Variants in TBCE observed in about 807,000 individuals in gnomAD.
The protein encoded by TBCE is tubulin folding cofactor E.
A neutral mutation model predicts 77.0 loss-of-function variants in TBCE; 53 were observed. The ratio of observed to expected loss-of-function variants is 0.69; its 90% CI spans 0.55 to 0.87. The LOEUF is 0.87. Among genes scored for constraint, TBCE ranks in the 40% least tolerant of loss-of-function variants. The pLI, the probability that TBCE is intolerant of heterozygous loss-of-function variation, is 0.00. For synonymous variants in TBCE, 235 were observed against 241.3 expected, an observed-to-expected ratio of 0.97 and a Z score of 0.24; for missense variants, 624 against 622.4, an observed-to-expected ratio of 1.00 and a Z score of -0.03.
chr1:235,425,351 AGAC>A (rs1279977157), intron 5 of TBCE, among the ~76,000 whole-genome samples: 1 of 152,130 alleles, frequency 6.6e-6, no homozygotes, highest in Non-Finnish European at 1.5e-5. Context: ...TTCCAGAGTC[AGAC>A]GCCCCCTCTG....
At position 235,435,826 on chromosome 1, in the gene TBCE, A is replaced by G; in HGVS notation, c.819A>G (p.Ile273Met). 6.2e-7 allele frequency: 1 copy of G among 1,614,180 alleles called. No homozygotes were observed. Among genetic ancestry groups the G allele is most frequent in the Non-Finnish European group, 8.5e-7 (1 of 1,179,984 alleles). The change falls in exon 9 of 17, where the codon ATA (isoleucine) becomes ATG (methionine). Residue 273 changes from isoleucine (I) to methionine (M), a missense_variant. Transcript: ENST00000642610. ...QLIDENQLYL[I>M]AHLPRLEQLI... is the part of the protein sequence containing the mutation. ...TTGATGAAAATCAGCTGTATCTGAT[A>G]GCCCACCTGCCCAGGTAATTTGCCC...
rs1681899088 is a variant in TBCE, at chr1:235,441,851, G to A, written c.1308G>A (p.Gln436=). 6 of 1,613,906 alleles carry A rather than the reference G, an allele frequency of 3.7e-6. No homozygotes were observed. Among genetic ancestry groups the A allele is most frequent in the African/African-American group, 1.3e-5 (1 of 74,898 alleles). Residue 436 remains glutamine (Q), a synonymous_variant, in exon 14 of 17, where the codon CAG becomes CAA. Transcript: ENST00000642610. ...CTGAAGATTGGGAACTCAAAACACA[G>A]CAACCACTTATGCTGAAAAACCAGC... The part of the protein sequence containing the change: ...GAPEDWELKT[Q]QPLMLKNQLL...
chr1:235,409,998 C>G (rs1255495369), intron 3 of TBCE, among the ~76,000 whole-genome samples: 1 of 147,760 alleles, frequency 6.8e-6, no homozygotes, highest in African/African-American at 2.5e-5. Context: ...CCACTGCACT[C>G]CAGCCTGCGT....
Position 235,377,334 on chromosome 1 carries a change from A to G in TBCE, c.-31-2685A>G, listed in dbSNP as rs115551609. The stretch of plus-strand genomic sequence containing the variant: ...AGCTGGGACTACAGGCGCGCACTAC[A>G]TGCCCAACTAATTTTTTTGTATTTT... On this transcript the variant is annotated intron_variant, in intron 1 of 16. Coordinates refer to ENST00000642610, the MANE Select transcript of TBCE (RefSeq NM_003193.5). Among the ~76,000 whole-genome samples the G allele has an allele frequency of 1.1e-3, 167 of 152,158 alleles. 2 individuals are homozygous for G. Among genetic ancestry groups the G allele is most frequent in the African/African-American group, 3.7e-3 (155 of 41,540 alleles).
intron 3 of TBCE, chr1:235,414,009 C>G: frequency 4.0e-6 from 1 of 250,270 alleles, no homozygotes; most frequent in Non-Finnish European, 7.8e-6. Context: ...TGTGCACCAC[C>G]ACGCTGGACT....
chr1:235,447,227 TAAAG>T (rs994140372), intron 15 of TBCE, among the ~76,000 whole-genome samples: 6 of 152,160 alleles, frequency 3.9e-5, no homozygotes, highest in African/African-American at 1.4e-4. Context: ...TATTCTAAAA[TAAAG>T]AACATTTATT....
intron 7 of TBCE, among the ~76,000 whole-genome samples, chr1:235,431,516 C>A (rs1053140618): frequency 6.6e-6 from 1 of 151,740 alleles, no homozygotes; most frequent in Non-Finnish European, 1.5e-5. Flanking sequence ...CATGTGCCAT[C>A]ACACCCAGCT....
intron 1 of TBCE, among the ~76,000 whole-genome samples, chr1:235,379,124 T>A (rs1320910750): frequency 6.6e-6 from 1 of 152,214 alleles, no homozygotes. Context: ...TTAACTATTA[T>A]GTTTTTGCAG....
At chr1:235,416,482 C>T (rs1454304363) in intron 4 of TBCE, among the ~76,000 whole-genome samples, 3 of 150,726 alleles carry the variant, frequency 2.0e-5, no homozygotes, top group Admixed American at 1.3e-4. Context: ...GACATGATTG[C>T]ACCACTGCAC....
chr1:235,408,693 C>T (rs1679606371), intron 3 of TBCE, among the ~76,000 whole-genome samples: 1 of 152,178 alleles, frequency 6.6e-6, no homozygotes, highest in African/African-American at 2.4e-5. Context: ...TGGGTCAGCT[C>T]TTTAGATGTT....
In TBCE at chr1:235,377,094, G is replaced by T. The variant is rs546235442; in HGVS notation, c.-31-2925G>T. On this transcript the variant is annotated intron_variant, in intron 1 of 16. Coordinates refer to ENST00000642610, the MANE Select transcript of TBCE (RefSeq NM_003193.5). ...CTGGATCCTGGCCCCCTTCCCAATG[G>T]CCCTGTCCTCCTTTATTTAAATAGA... 4.1e-4 allele frequency among the ~76,000 whole-genome samples: 63 copies of T among 152,272 alleles called. 2 individuals carry two copies. The East Asian group carries it at 0.011, about 26-fold the overall frequency.
Position 235,448,816 on chromosome 1 carries a change from C to A in TBCE, c.*54C>A, listed in dbSNP as rs767215746. 7.8e-7 allele frequency: 1 copy of A among 1,288,380 alleles called. No individual in the cohort carries two copies. The highest frequency in any genetic ancestry group is 1.1e-6 in the Non-Finnish European group (1 of 889,052). The allele number at this position is 1,288,380 out of a possible 1,614,324, so 79.8% of individuals were successfully genotyped here. On this transcript the variant is annotated 3_prime_UTR_variant, in exon 17 of 17. Transcript: ENST00000642610. ...ACTGCTTATCGTGTCTGGGGTTCAC[C>A]GGAAATAAATGATTCACTGGAACAA...
At chr1:235,422,250 G>T (rs1440142668) in intron 5 of TBCE, among the ~76,000 whole-genome samples, 2 of 152,230 alleles carry the variant, frequency 1.3e-5, no homozygotes, top group Non-Finnish European at 1.5e-5. Context: ...AGTGGCTCAT[G>T]CCTGTAATCC....
intron 5 of TBCE, among the ~76,000 whole-genome samples, chr1:235,425,987 T>C (rs16832605): frequency 0.023 from 3,442 of 152,294 alleles, 139 homozygotes; most frequent in African/African-American, 0.078. Flanking sequence ...CCCTGTGTCG[T>C]GATCGTCTCT....
rs1374575582 is a variant in TBCE, at chr1:235,449,441, T to A, written c.*679T>A. On this transcript the variant is annotated 3_prime_UTR_variant, in exon 17 of 17. Transcript: ENST00000642610. ...CAAAATTTAGAAATATCCTTCCCGATGGCACTAAAACCCTGAGAGGTATTT... is the reference window on the plus strand; with the variant it reads ...CAAAATTTAGAAATATCCTTCCCGAAGGCACTAAAACCCTGAGAGGTATTT... 6.5e-6 allele frequency: 1 copy of A among 153,438 alleles called. No individual in the cohort carries two copies. The highest frequency in any genetic ancestry group is 1.5e-5 in the Non-Finnish European group (1 of 68,962). 9.5% of individuals were successfully genotyped at this position (153,438 alleles called of 1,614,324 possible).
At chr1:235,372,108 A>C (rs1455171891) in intron 1 of TBCE, among the ~76,000 whole-genome samples, 1 of 152,052 alleles carries the variant, frequency 6.6e-6, no homozygotes. Flanking sequence ...AAGCCTCCCA[A>C]ATACATTGGC....
At chr1:235,440,162 G>T (rs1389624225) in intron 13 of TBCE, among the ~76,000 whole-genome samples, 1 of 152,076 alleles carries the variant, frequency 6.6e-6, no homozygotes, top group Non-Finnish European at 1.5e-5. Context: ...AGTAGGGACG[G>T]GGTTTCACCG....
chr1:235,386,698 G>T (rs1187139266), intron 2 of TBCE, among the ~76,000 whole-genome samples: 1 of 151,880 alleles, frequency 6.6e-6, no homozygotes, highest in Non-Finnish European at 1.5e-5. Flanking sequence ...TTATACATTC[G>T]TCTAAATTTT....
chr1:235,448,276 C>CTCAT, intron 15 of TBCE, 73 bp from the exon 16 acceptor site: 1 of 1,044,882 alleles, frequency 9.6e-7, no homozygotes, highest in South Asian at 1.3e-5. Context: ...ATACTGTGGT[C>CTCAT]TCATCACATG....
Sources: gnomAD v4.1 joint callset for allele counts (sites outside exome capture counted in the v4.1 genomes callset) on GRCh38, gnomAD v4.1.1 for gene constraint, MANE v1.5 for transcripts, NCBI Gene and HGNC (gene_info 2026-07-23, HGNC 2026-07-21) for gene names.